PLAC1: variants seen among roughly 807,000 people sequenced by gnomAD.
The protein encoded by PLAC1 is placenta-specific protein 1.
For synonymous variants in PLAC1, 68 were observed against 62.1 expected, an observed-to-expected ratio of 1.09 and a Z score of -0.44; for missense variants, 136 against 163.2, an observed-to-expected ratio of 0.83 and a Z score of 0.91.
intron 2 of PLAC1, among the ~76,000 whole-genome samples, chrX:134,666,258 A>G (rs2078436376): frequency 9.0e-6 from 1 of 111,185 alleles, no homozygotes; most frequent in Non-Finnish European, 1.9e-5. Context: ...GTGGGAGGTC[A>G]TGTTCCCTTT....
intron 2 of PLAC1, among the ~76,000 whole-genome samples, chrX:134,590,004 G>T (rs1010019992): frequency 4.0e-5 from 4 of 100,719 alleles, no homozygotes; most frequent in Non-Finnish European, 8.0e-5. Context: ...GACCATCCTG[G>T]CTAACATGGT....
chrX:134,713,824 C>T (rs1055668398), intron 2 of PLAC1, among the ~76,000 whole-genome samples: 2 of 111,767 alleles, frequency 1.8e-5, no homozygotes, highest in Admixed American at 9.5e-5. Flanking sequence ...GGTGTGTCTA[C>T]ACGGCCAGGG....
chrX:134,761,941 A>C (rs7887206), intron 1 of PLAC1, among the ~76,000 whole-genome samples: 10,788 of 111,824 alleles, frequency 0.096, 1,254 homozygotes, highest in African/African-American at 0.33. Flanking sequence ...ACCCATAAAC[A>C]GTCACCTATC....
intron 2 of PLAC1, among the ~76,000 whole-genome samples, chrX:134,690,791 G>A (rs765152645): frequency 1.9e-5 from 2 of 104,151 alleles, no homozygotes; most frequent in East Asian, 6.0e-4. Flanking sequence ...AAATTAGCTG[G>A]GCATGGTGGC....
chrX:134,595,680 C>T (rs997753609), intron 2 of PLAC1, among the ~76,000 whole-genome samples: 3 of 108,009 alleles, frequency 2.8e-5, no homozygotes, highest in Non-Finnish European at 5.7e-5. Context: ...AATATAGACA[C>T]TCATGCTTTG....
chrX:134,633,377 G>C (rs747092437), intron 1 of PLAC1, among the ~76,000 whole-genome samples: 1 of 112,344 alleles, frequency 8.9e-6, no homozygotes, highest in Admixed American at 9.4e-5. Flanking sequence ...GCAAAGGTCA[G>C]GTTGTGAATA....
At chrX:134,567,612 G>A (rs759196826) in intron 2 of PLAC1, among the ~76,000 whole-genome samples, 1 of 109,642 alleles carries the variant, frequency 9.1e-6, no homozygotes, top group Non-Finnish European at 1.9e-5. Context: ...CAAAAAACTA[G>A]CTGAGTGTGG....
intron 1 of PLAC1, among the ~76,000 whole-genome samples, chrX:134,735,779 G>A (rs757088921): frequency 1.5e-4 from 17 of 110,180 alleles, no homozygotes; most frequent in Non-Finnish European, 2.5e-4. Flanking sequence ...GCCTTGGGAT[G>A]GCATCTCTGG....
intron 1 of PLAC1, among the ~76,000 whole-genome samples, chrX:134,746,248 C>T (rs989706200): frequency 5.4e-5 from 6 of 111,601 alleles, no homozygotes; most frequent in African/African-American, 3.3e-5. Flanking sequence ...AAAACTCCCA[C>T]CCCTCTTGCA....
intron 2 of PLAC1, among the ~76,000 whole-genome samples, chrX:134,714,358 A>G (rs1032345275): frequency 9.6e-6 from 1 of 104,233 alleles, no homozygotes; most frequent in South Asian, 4.5e-4. Flanking sequence ...CTTCCCCTGT[A>G]TGGAAACTGG....
At chrX:134,725,768 G>A (rs950395036) in intron 2 of PLAC1, among the ~76,000 whole-genome samples, 1 of 111,832 alleles carries the variant, frequency 8.9e-6, no homozygotes, top group Non-Finnish European at 1.9e-5. Flanking sequence ...TCAGGTGGGC[G>A]GATCGATCAC....
chrX:134,585,347 A>T (rs1284690092), intron 2 of PLAC1, among the ~76,000 whole-genome samples: 2 of 110,036 alleles, frequency 1.8e-5, no homozygotes, highest in Non-Finnish European at 3.8e-5. Flanking sequence ...ACTCTGTCTC[A>T]AAAAACTTTT....
At chrX:134,603,180 T>TAAA (rs2078096768) in intron 1 of PLAC1, among the ~76,000 whole-genome samples, 1 of 95,379 alleles carries the variant, frequency 1.0e-5, no homozygotes, top group Non-Finnish European at 2.1e-5. Flanking sequence ...CAGAATCTGT[T>TAAA]AAAAAATGGT....
chrX:134,581,443 C>T (rs1310489217), intron 2 of PLAC1, among the ~76,000 whole-genome samples: 1 of 108,329 alleles, frequency 9.2e-6, no homozygotes, highest in African/African-American at 3.4e-5. Flanking sequence ...GTTTATTTCC[C>T]CCCAATAATA....
chrX:134,591,544 T>C (rs927778262), intron 2 of PLAC1, among the ~76,000 whole-genome samples: 2 of 112,680 alleles, frequency 1.8e-5, no homozygotes, highest in Admixed American at 9.4e-5. Context: ...ACTACTCACT[T>C]ATTGAAGGAC....
intron 2 of PLAC1, among the ~76,000 whole-genome samples, chrX:134,596,595 G>GT (rs2078063240): frequency 9.0e-6 from 1 of 111,722 alleles, no homozygotes; most frequent in South Asian, 3.7e-4. Context: ...TCAAATTATT[G>GT]TTTTTCTTTT....
intron 1 of PLAC1, among the ~76,000 whole-genome samples, chrX:134,627,578 T>G (rs181580588): frequency 1.5e-3 from 172 of 112,374 alleles, no homozygotes; most frequent in Non-Finnish European, 3.0e-3. Flanking sequence ...CAGATTTATA[T>G]GTCTTATCAT....
chrX:134,611,991 A>G (rs1475577089), intron 1 of PLAC1, among the ~76,000 whole-genome samples: 1 of 111,798 alleles, frequency 8.9e-6, no homozygotes, highest in Admixed American at 9.6e-5. Context: ...TCTTCAGCCG[A>G]GATGTAATTG....
intron 2 of PLAC1, among the ~76,000 whole-genome samples, chrX:134,726,821 C>CAAA (rs749819041): frequency 0.058 from 2,409 of 41,586 alleles, 236 homozygotes; most frequent in African/African-American, 0.13. Context: ...GACTCTGTCT[C>CAAA]AAAAAAAAAA....
Sources: allele counts gnomAD v4.1 joint callset (sites outside exome capture counted in the v4.1 genomes callset), GRCh38; gene constraint gnomAD v4.1.1; transcripts MANE v1.5; gene names NCBI Gene and HGNC (gene_info 2026-07-23, HGNC 2026-07-21).